IMMP2L: variants seen among roughly 807,000 people sequenced by gnomAD.
IMMP2L encodes inner mitochondrial membrane peptidase subunit 2, also known as mitochondrial inner membrane protease subunit 2.
IMMP2L carries 18 observed loss-of-function variants against 19.3 expected under a neutral mutation model. That is an observed-to-expected ratio of 0.93 (90% CI 0.64 to 1.38). The LOEUF is 1.38. Among genes scored for constraint, IMMP2L ranks in the 40% most tolerant of loss-of-function variants. The probability of loss-of-function intolerance (pLI) is 0.00; values close to 1 mark genes in which losing one functional copy is unlikely to be tolerated. For missense variants in IMMP2L, 233 were observed against 218.2 expected, an observed-to-expected ratio of 1.07 and a Z score of -0.43; for synonymous variants, 76 against 73.0, an observed-to-expected ratio of 1.04 and a Z score of -0.21.
At chr7:111,383,817 C>T (rs999733797) in intron 3 of IMMP2L, among the ~76,000 whole-genome samples, 1 of 152,016 alleles carries the variant, frequency 6.6e-6, no homozygotes, top group East Asian at 1.9e-4. Flanking sequence ...TGAAATCCCC[C>T]TCCTTCCACT....
At position 110,913,097 on chromosome 7, in the gene IMMP2L, G is replaced by C. The variant is rs183086265; in HGVS notation, c.306-26402C>G. Among the ~76,000 whole-genome samples, 162 of 152,192 alleles carry C rather than the reference G, an allele frequency of 1.1e-3. 1 individual carries two copies. The highest frequency in any genetic ancestry group is 1.3e-4 in the Non-Finnish European group (9 of 68,000). ...GCTTTGTTGTCAAATAAAATATAAA[G>C]TCTGACTTAGGATTACTAGGATATG... is the stretch of plus-strand genomic sequence containing the variant. On this transcript the variant is annotated intron_variant, in intron 4 of 5. Coordinates refer to ENST00000405709, the MANE Select transcript of IMMP2L (RefSeq NM_032549.4).
At chr7:111,085,367 T>C (rs182009553) in intron 3 of IMMP2L, among the ~76,000 whole-genome samples, 1 of 152,340 alleles carries the variant, frequency 6.6e-6, no homozygotes, top group East Asian at 1.9e-4. Flanking sequence ...CCAACAACAG[T>C]GTAAAAGTGT....
At chr7:111,129,165 A>G (rs1288080398) in intron 3 of IMMP2L, among the ~76,000 whole-genome samples, 1 of 152,124 alleles carries the variant, frequency 6.6e-6, no homozygotes, top group Non-Finnish European at 1.5e-5. Context: ...AAGGAGTGAA[A>G]AAATCTCAAT....
intron 3 of IMMP2L, among the ~76,000 whole-genome samples, chr7:111,149,722 A>C (rs2129602081): frequency 6.6e-6 from 1 of 152,294 alleles, no homozygotes; most frequent in African/African-American, 2.4e-5. Context: ...TTCAAGTATC[A>C]ACTGTTTATT....
At chr7:110,743,837 G>T (rs1797149272) in intron 5 of IMMP2L, among the ~76,000 whole-genome samples, 4 of 152,040 alleles carry the variant, frequency 2.6e-5, no homozygotes, top group Admixed American at 2.6e-4. Flanking sequence ...GGCCATTTGG[G>T]CAGACACTGA....
intron 3 of IMMP2L, among the ~76,000 whole-genome samples, chr7:110,992,417 G>A (rs1822575086): frequency 6.6e-6 from 1 of 151,844 alleles, no homozygotes; most frequent in South Asian, 2.1e-4. Context: ...CATAAAGTAT[G>A]TAGTTCATAA....
chr7:110,958,720 G>C (rs912251799), intron 4 of IMMP2L, among the ~76,000 whole-genome samples: 2 of 152,014 alleles, frequency 1.3e-5, no homozygotes, highest in Non-Finnish European at 2.9e-5. Context: ...TAGATCAGCT[G>C]GTTGACCAGC....
At chr7:111,328,179 A>G (rs1356986483) in intron 3 of IMMP2L, among the ~76,000 whole-genome samples, 1 of 151,784 alleles carries the variant, frequency 6.6e-6, no homozygotes, top group African/African-American at 2.4e-5. Context: ...GTATTCTCCT[A>G]TAAGCTCTTA....
intron 5 of IMMP2L, among the ~76,000 whole-genome samples, chr7:110,821,079 C>G (rs552142650): frequency 6.6e-6 from 1 of 151,786 alleles, no homozygotes; most frequent in South Asian, 2.1e-4. Context: ...TTTAACTCTT[C>G]CCAAGAGGTA....
At chr7:110,844,897 T>C (rs986029436) in intron 5 of IMMP2L, among the ~76,000 whole-genome samples, 2 of 151,490 alleles carry the variant, frequency 1.3e-5, no homozygotes, top group African/African-American at 2.4e-5. Context: ...GTCGGTGGAG[T>C]CAAAGTGCAA....
chr7:110,676,153 G>A (rs1041834620), intron 5 of IMMP2L, among the ~76,000 whole-genome samples: 4 of 152,168 alleles, frequency 2.6e-5, no homozygotes, highest in African/African-American at 9.7e-5. Flanking sequence ...CCCACCATAA[G>A]GTACTGTTTC....
At chr7:111,282,846 G>A (rs1461139678) in intron 3 of IMMP2L, among the ~76,000 whole-genome samples, 3 of 152,092 alleles carry the variant, frequency 2.0e-5, no homozygotes, top group Non-Finnish European at 2.9e-5. Context: ...GCCTCCCTAA[G>A]TGCTGGGATT....
intron 4 of IMMP2L, among the ~76,000 whole-genome samples, chr7:110,927,184 T>A (rs1814948372): frequency 6.6e-6 from 1 of 152,080 alleles, no homozygotes. Flanking sequence ...TCTCTCTGTC[T>A]CTTTGTCTCT....
At chr7:111,348,627 C>G (rs1423797794) in intron 3 of IMMP2L, among the ~76,000 whole-genome samples, 1 of 152,220 alleles carries the variant, frequency 6.6e-6, no homozygotes, top group Non-Finnish European at 1.5e-5. Flanking sequence ...GTCTGCCCTA[C>G]GAATAAGATC....
At chr7:111,302,958 T>C (rs905150908) in intron 3 of IMMP2L, among the ~76,000 whole-genome samples, 1 of 152,126 alleles carries the variant, frequency 6.6e-6, no homozygotes, top group African/African-American at 2.4e-5. Flanking sequence ...TAAATTTTCT[T>C]CACAAAATAA....
chr7:111,268,785 A>T lies in IMMP2L; in HGVS notation c.239+218453T>A, dbSNP rs140887138. ...ATTTTAATTTTTCTATTTTATGTAG[A>T]AATGCAACCTCACCCTGTTGCCCTA... On this transcript the variant is annotated intron_variant, in intron 3 of 5. Coordinates refer to ENST00000405709, the MANE Select transcript of IMMP2L (RefSeq NM_032549.4). 8.5e-3 allele frequency among the ~76,000 whole-genome samples: 1,281 copies of T among 151,564 alleles called. 18 individuals are homozygous for T. Among genetic ancestry groups the T allele is most frequent in the African/African-American group, 0.028 (1,173 of 41,310 alleles).
chr7:111,202,703 T>C (rs1810276829), intron 3 of IMMP2L, among the ~76,000 whole-genome samples: 2 of 152,140 alleles, frequency 1.3e-5, no homozygotes. Context: ...AATGAACTAC[T>C]TCTCTTTAGA....
At chr7:111,328,078 T>C (rs1825505491) in intron 3 of IMMP2L, among the ~76,000 whole-genome samples, 1 of 151,738 alleles carries the variant, frequency 6.6e-6, no homozygotes, top group Non-Finnish European at 1.5e-5. Flanking sequence ...CTCTCAGTCA[T>C]AATAGAACTA....
At chr7:111,149,081 T>A (rs1803797042) in intron 3 of IMMP2L, among the ~76,000 whole-genome samples, 1 of 152,094 alleles carries the variant, frequency 6.6e-6, no homozygotes, top group Non-Finnish European at 1.5e-5. Flanking sequence ...AAAGAGTACG[T>A]TAAAAGTAAT....
Sources: gnomAD v4.1 joint callset for allele counts (sites outside exome capture counted in the v4.1 genomes callset) on GRCh38, gnomAD v4.1.1 for gene constraint, MANE v1.5 for transcripts, NCBI Gene and HGNC (gene_info 2026-07-23, HGNC 2026-07-21) for gene names.